Variants in BTRC observed in about 807,000 individuals in gnomAD.
The protein encoded by BTRC is F-box/WD repeat-containing protein 1A.
In BTRC, 42 loss-of-function variants were observed where a neutral mutation model predicts 85.5. The ratio of observed to expected loss-of-function variants is 0.49; its 90% CI spans 0.38 to 0.64. BTRC has a LOEUF of 0.64. Among genes scored for constraint, BTRC ranks in the 30% least tolerant of loss-of-function variants. The pLI is 0.00. For missense variants in BTRC, 594 were observed against 743.5 expected, an observed-to-expected ratio of 0.80 and a Z score of 2.34; for synonymous variants, 255 against 263.3, an observed-to-expected ratio of 0.97 and a Z score of 0.30.
intron 4 of BTRC, among the ~76,000 whole-genome samples, chr10:101,504,388 T>A (rs1213049741): frequency 6.6e-6 from 1 of 152,106 alleles, no homozygotes; most frequent in Non-Finnish European, 1.5e-5. Flanking sequence ...TTTGGTTATA[T>A]TCATTCTCCC....
chr10:101,361,914 GGAGA>G (rs1055202414), intron 1 of BTRC, among the ~76,000 whole-genome samples: 5 of 152,184 alleles, frequency 3.3e-5, no homozygotes, highest in Non-Finnish European at 5.9e-5. Context: ...TAGAGCTAAG[GGAGA>G]GAGAATTTCT....
chr10:101,533,129 T>TC, intron 9 of BTRC, 59 bp downstream of exon 9: 1 of 1,257,028 alleles, frequency 8.0e-7, no homozygotes, highest in Admixed American at 1.8e-5. Flanking sequence ...CTGTTCTTTG[T>TC]CATAGATAGT....
chr10:101,394,277 G>A (rs564810523), intron 1 of BTRC, among the ~76,000 whole-genome samples: 13 of 152,212 alleles, frequency 8.5e-5, no homozygotes, highest in African/African-American at 3.1e-4. Context: ...TTTTGGAAAT[G>A]GGATATTTTT....
chr10:101,387,552 A>G (rs1429042295), intron 1 of BTRC, among the ~76,000 whole-genome samples: 1 of 17,266 alleles, frequency 5.8e-5, no homozygotes, highest in African/African-American at 7.8e-4. Context: ...TTTTTGAGAT[A>G]GCCTCACTCT....
At chr10:101,519,895 T>C (rs2062078244) in intron 4 of BTRC, among the ~76,000 whole-genome samples, 1 of 151,952 alleles carries the variant, frequency 6.6e-6, no homozygotes, top group Non-Finnish European at 1.5e-5. Flanking sequence ...CTCAGGAGGC[T>C]GAAGCAGGAG....
chr10:101,524,786 A>C (rs1388836798), intron 5 of BTRC, among the ~76,000 whole-genome samples: 1 of 152,172 alleles, frequency 6.6e-6, no homozygotes. Context: ...ATGTTCCTTT[A>C]ATAAGAATTG....
chr10:101,534,673 A>C lies in BTRC; in HGVS notation c.1110A>C (p.Val370=), dbSNP rs1478625831. ...CTATCACTTCCAGAGTGTGGGATGT[A>C]AATACAGGTGAAATGCTAAACACGT... ...SSDSTVRVWD[V]NTGEMLNTLI... The change falls in exon 10 of 15, where the codon GTA becomes GTC. Residue 370 remains valine (V), a synonymous_variant. Coordinates refer to ENST00000370187, the MANE Select transcript of BTRC (RefSeq NM_033637.4). The C allele has an allele frequency of 6.2e-7, 1 of 1,614,080 alleles. No individual in the cohort carries two copies.
intron 1 of BTRC, among the ~76,000 whole-genome samples, chr10:101,412,220 T>C (rs1943799761): frequency 6.6e-6 from 1 of 152,258 alleles, no homozygotes; most frequent in South Asian, 2.1e-4. Flanking sequence ...TTGGAACCTT[T>C]TTCTACATAA....
chr10:101,476,142 T>TCAGACAAACC (rs1945681498), intron 3 of BTRC, among the ~76,000 whole-genome samples: 1 of 151,722 alleles, frequency 6.6e-6, no homozygotes, highest in Admixed American at 6.6e-5. Flanking sequence ...TGAGAAAATA[T>TCAGACAAACC]CAGACAAACC....
At chr10:101,474,570 T>A (rs1945625268) in intron 3 of BTRC, among the ~76,000 whole-genome samples, 1 of 152,206 alleles carries the variant, frequency 6.6e-6, no homozygotes. Context: ...TTGAGGGGAA[T>A]TTATATGTAA....
intron 7 of BTRC, 50 bp downstream of exon 7, chr10:101,531,383 G>A: frequency 7.4e-7 from 1 of 1,351,284 alleles, no homozygotes; most frequent in African/African-American, 1.5e-5. Context: ...AGAATTATCA[G>A]CATTCTTCAG....
intron 4 of BTRC, among the ~76,000 whole-genome samples, chr10:101,508,929 A>C (rs1033021537): frequency 2.0e-5 from 3 of 151,092 alleles, no homozygotes; most frequent in African/African-American, 7.3e-5. Flanking sequence ...AAAAAAAAAA[A>C]AAAAAAACTA....
chr10:101,520,503 A>G (rs1035126559), intron 4 of BTRC, among the ~76,000 whole-genome samples: 10 of 152,254 alleles, frequency 6.6e-5, no homozygotes, highest in African/African-American at 2.4e-4. Flanking sequence ...GAATCAATTA[A>G]TAAAAAAGAC....
chr10:101,505,917 ATTT>A (rs71472577), intron 4 of BTRC, among the ~76,000 whole-genome samples: 2 of 142,606 alleles, frequency 1.4e-5, no homozygotes, highest in Non-Finnish European at 1.5e-5. Flanking sequence ...CAGTTTTCCA[ATTT>A]TTTTTTTTTT....
chr10:101,510,899 T>C (rs1330786899), intron 4 of BTRC, among the ~76,000 whole-genome samples: 1 of 152,248 alleles, frequency 6.6e-6, no homozygotes, highest in Non-Finnish European at 1.5e-5. Context: ...ATCCTAGCCA[T>C]AGTCACATTT....
chr10:101,488,753 G>A (rs1200689574), intron 4 of BTRC, among the ~76,000 whole-genome samples: 1 of 151,848 alleles, frequency 6.6e-6, no homozygotes, highest in Non-Finnish European at 1.5e-5. Flanking sequence ...TTTTTTTCTT[G>A]ATACTAATAA....
chr10:101,474,859 G>T (rs1186578040), intron 3 of BTRC, among the ~76,000 whole-genome samples: 1 of 152,158 alleles, frequency 6.6e-6, no homozygotes, highest in African/African-American at 2.4e-5. Context: ...TCGATCTCCA[G>T]TGCCTTTATG....
At chr10:101,504,556 C>T (rs1946470908) in intron 4 of BTRC, among the ~76,000 whole-genome samples, 1 of 152,034 alleles carries the variant, frequency 6.6e-6, no homozygotes, top group Admixed American at 6.6e-5. Context: ...TGCCTAGTAT[C>T]CACTGTCCTT....
chr10:101,542,289 T>C (rs904039054), intron 13 of BTRC, among the ~76,000 whole-genome samples: 1 of 152,060 alleles, frequency 6.6e-6, no homozygotes, highest in Non-Finnish European at 1.5e-5. Context: ...TTTTTTTTTT[T>C]ATTTTTCTAG....
Sources: gnomAD v4.1 joint callset for allele counts (sites outside exome capture counted in the v4.1 genomes callset) on GRCh38, gnomAD v4.1.1 for gene constraint, MANE v1.5 for transcripts, NCBI Gene and HGNC (gene_info 2026-07-23, HGNC 2026-07-21) for gene names.